The following PPP1R3F variants were observed in gnomAD, a reference collection of about 807,000 sequenced individuals.
PPP1R3F encodes protein phosphatase 1, regulatory (inhibitor) subunit 3F.
Under a neutral mutation model 24.2 loss-of-function variants are expected in PPP1R3F, and 29 were observed. The ratio of observed to expected loss-of-function variants is 1.20; its 90% CI spans 0.89 to 1.63. The LOEUF (loss-of-function observed/expected upper bound fraction) is 1.63. PPP1R3F is among the 40% of genes most tolerant of loss of function. PPP1R3F has a pLI of 0.00. For synonymous variants in PPP1R3F, 363 were observed against 340.1 expected, an observed-to-expected ratio of 1.07 and a Z score of -0.74; for missense variants, 823 against 729.3, an observed-to-expected ratio of 1.13 and a Z score of -1.48.
chrX:49,271,908 C>A (rs1300129693), intron 1 of PPP1R3F, among the ~76,000 whole-genome samples: 1 of 112,014 alleles, frequency 8.9e-6, no homozygotes, highest in Non-Finnish European at 1.9e-5. Flanking sequence ...CAGAAGATTT[C>A]CCTAGGTTTC....
rs1440104693 is a variant in PPP1R3F, at chrX:49,284,514, T to C, written c.1144-1320T>C. 4.6e-3 allele frequency among the ~76,000 whole-genome samples: 430 copies of C among 93,612 alleles called. 2 individuals are homozygous for C. Among genetic ancestry groups the C allele is most frequent in the African/African-American group, 0.014 (356 of 25,633 alleles). 81.3% of individuals were successfully genotyped at this position (93,612 alleles called of 115,157 possible). A position where few individuals can be genotyped will look rare whatever the true frequency, so the allele number is the denominator to read the frequency against. On this transcript the variant is annotated intron_variant, in intron 3 of 3. Transcript: ENST00000055335. ...TTTCTTTTTTCTTTTTCTTTCTTTT[T>C]TTTTTTTTTTTTTTTGAGTCAGAGT...
At chrX:49,281,270 C>T (rs1246136454) in intron 1 of PPP1R3F, 136 bp from the exon 2 acceptor site, 1 of 395,970 alleles carries the variant, frequency 2.5e-6, no homozygotes, top group Non-Finnish European at 4.3e-6. Context: ...AGGGGATAAA[C>T]AAAGGCAGCA....
rs782078980 is a variant in PPP1R3F, at chrX:49,281,438, T to G, written c.1037T>G (p.Met346Arg). Residue 346 changes from methionine (M) to arginine (R), a missense_variant, in exon 2 of 4, where the codon ATG becomes AGG. Transcript: ENST00000055335. The part of the protein sequence containing the change: ...PAEEELKTKN[M>R]DDNTFAMAEH... ...GAGGAGGAACTGAAGACGAAGAACA[T>G]GGATGATAACACCTTTGCCATGGGT... The G allele has an allele frequency of 8.3e-7, 1 of 1,208,744 alleles. No individual in the cohort carries two copies. Among genetic ancestry groups the G allele is most frequent in the Admixed American group, 2.2e-5 (1 of 45,983 alleles).
rs199728753 is a variant in PPP1R3F, at chrX:49,286,127, C to T, written c.1437C>T (p.Leu479=). Reference sequence around the variant, plus strand: ...CTGTGAGTGGGTCAGAGGAGCTGCTCGGTGAGGACACCATCGACCAGGAGC... The same window carrying T: ...CTGTGAGTGGGTCAGAGGAGCTGCTTGGTGAGGACACCATCGACCAGGAGC... ...LEAVSGSEEL[L]GEDTIDQELE... Residue 479 remains leucine (L), a synonymous_variant, in exon 4 of 4, where the codon CTC becomes CTT. Coordinates refer to ENST00000055335, the MANE Select transcript of PPP1R3F (RefSeq NM_033215.5). The T allele has an allele frequency of 1.5e-4, 175 of 1,162,075 alleles. 1 individual carries two copies. In the East Asian group the frequency reaches 3.1e-3, roughly 20 times the overall value.
intron 1 of PPP1R3F, among the ~76,000 whole-genome samples, chrX:49,278,071 T>C (rs189922594): frequency 8.9e-6 from 1 of 112,291 alleles, no homozygotes; most frequent in African/African-American, 3.2e-5. Context: ...GAAAGGGTGC[T>C]CTGGGGGCTG....
chrX:49,276,949 C>T (rs189068677), intron 1 of PPP1R3F, among the ~76,000 whole-genome samples: 15 of 112,584 alleles, frequency 1.3e-4, no homozygotes, highest in Non-Finnish European at 1.9e-4. Context: ...GCGTTATCTT[C>T]AGGTTGACTA....
chrX:49,272,606 G>A (rs1490384818), intron 1 of PPP1R3F, among the ~76,000 whole-genome samples: 2 of 112,950 alleles, frequency 1.8e-5, no homozygotes, highest in Admixed American at 1.9e-4. Flanking sequence ...GTGTGGCCTT[G>A]CCTCCGTTTC....
chrX:49,288,876 C>T (rs1367216871), downstream of PPP1R3F, among the ~76,000 whole-genome samples: 2 of 111,916 alleles, frequency 1.8e-5, no homozygotes, highest in Non-Finnish European at 1.9e-5. Flanking sequence ...TGCTGTGGCT[C>T]ACTCTTGTAA....
chrX:49,287,968 G>C lies in PPP1R3F; in HGVS notation c.*878G>C, dbSNP rs1478857126. ...GAAAGGAAAGAGGAGTTAATGTACT[G>C]CAGTACTTGGTAGCACAGTTGCTGT... is the stretch of plus-strand genomic sequence containing the variant. On this transcript the variant is annotated 3_prime_UTR_variant, in exon 4 of 4. Transcript: ENST00000055335. 8.9e-6 allele frequency: 1 copy of C among 112,261 alleles called. No individual in the cohort carries two copies. Among genetic ancestry groups the C allele is most frequent in the Non-Finnish European group, 1.9e-5 (1 of 53,274 alleles). 9.3% of individuals were successfully genotyped at this position (112,261 alleles called of 1,213,427 possible). A position where few individuals can be genotyped will look rare whatever the true frequency, so the allele number is the denominator to read the frequency against.
At chrX:49,301,266 A>T (rs1208904235) in intron 3 of PPP1R3F, 34 of 418,383 alleles carry the variant, frequency 8.1e-5, no homozygotes, top group Non-Finnish European at 8.3e-6. Flanking sequence ...TAAAACCCAA[A>T]CTGTAGTATG....
chrX:49,277,149 C>T (rs184860477), intron 1 of PPP1R3F, among the ~76,000 whole-genome samples: 5 of 112,889 alleles, frequency 4.4e-5, no homozygotes, highest in Admixed American at 2.8e-4. Flanking sequence ...AGCCCTCACC[C>T]GCTCGCTTAC....
In PPP1R3F at chrX:49,270,052, G is replaced by T. The variant is rs1347233224; in HGVS notation, c.183G>T (p.Gly61=). The T allele has an allele frequency of 2.0e-6, 2 of 981,945 alleles. No homozygotes were observed. Among genetic ancestry groups the T allele is most frequent in the Non-Finnish European group, 2.5e-6 (2 of 786,096 alleles). 80.9% of individuals were successfully genotyped at this position (981,945 alleles called of 1,213,427 possible). ...LRRYRPWGGP[G]AGKMAAAAGQ... The stretch of plus-strand genomic sequence containing the variant: ...GCTACCGGCCGTGGGGCGGGCCCGG[G>T]GCGGGCAAGATGGCGGCGGCGGCCG... Residue 61 remains glycine, a synonymous_variant, in exon 1 of 4, where the codon GGG becomes GGT. Coordinates refer to ENST00000055335, the MANE Select transcript of PPP1R3F (RefSeq NM_033215.5).
At chrX:49,292,487 C>T (rs2066311793), downstream of PPP1R3F, among the ~76,000 whole-genome samples, 1 of 112,693 alleles carries the variant, frequency 8.9e-6, no homozygotes, top group African/African-American at 3.2e-5. Context: ...AGGGCACCAG[C>T]CTGGATCCTG....
At chrX:49,293,995 A>AAC (rs2066316079) in intron 3 of PPP1R3F, among the ~76,000 whole-genome samples, 1 of 111,966 alleles carries the variant, frequency 8.9e-6, no homozygotes, top group East Asian at 2.8e-4. Context: ...CCCTGTCTCA[A>AAC]AACAACAACA....
chrX:49,270,002 G>C lies in PPP1R3F; in HGVS notation c.133G>C (p.Gly45Arg). ...GGTGCTGTTCGCCGACGAGGCCTTG[G>C]GGCTGCCGCTGGCGCAGTTGCGCCG... ...RRVLFADEALGLPLAQLRRYR... is the reference protein window; with the variant it reads ...RRVLFADEALRLPLAQLRRYR... Residue 45 changes from glycine (G) to arginine (R), a missense_variant, in exon 1 of 4, where the codon GGG becomes CGG. By Grantham distance (125) the Gly-to-Arg change is moderately radical (BLOSUM62 -2). Coordinates refer to ENST00000055335, the MANE Select transcript of PPP1R3F (RefSeq NM_033215.5). 1.1e-6 allele frequency: 1 copy of C among 924,347 alleles called. No homozygotes were observed. The highest frequency in any genetic ancestry group is 1.3e-6 in the Non-Finnish European group (1 of 748,103). The allele number at this position is 924,347 out of a possible 1,213,427, so 76.2% of individuals were successfully genotyped here.
chrX:49,284,489 TTTC>T (rs1227158658), intron 3 of PPP1R3F, among the ~76,000 whole-genome samples: 2 of 100,569 alleles, frequency 2.0e-5, no homozygotes, highest in Admixed American at 2.3e-4. Flanking sequence ...TCTCTCTTTC[TTTC>T]TTTTTTCTTT....
intron 3 of PPP1R3F, among the ~76,000 whole-genome samples, chrX:49,294,609 C>T (rs1161670943): frequency 1.8e-5 from 2 of 109,400 alleles, no homozygotes; most frequent in African/African-American, 6.6e-5. Flanking sequence ...TTTAGTTTTT[C>T]TCTATTAAGT....
At chrX:49,299,012 C>T (rs932238237) in intron 3 of PPP1R3F, among the ~76,000 whole-genome samples, 28 of 110,584 alleles carry the variant, frequency 2.5e-4, no homozygotes, top group Non-Finnish European at 2.8e-4. Context: ...TCTGACAGTT[C>T]GTCAAACTCA....
chrX:49,300,477 GTTTTTTTTTTTTTTT>G (rs35140303), intron 3 of PPP1R3F, among the ~76,000 whole-genome samples: 40,945 of 70,528 alleles, frequency 0.58, 8,768 homozygotes, highest in South Asian at 0.68. Context: ...TATTGCTGCT[GTTTTTTTTTTTTTTT>G]TTTTTTTTTT....
Sources: gnomAD v4.1 joint callset for allele counts (sites outside exome capture counted in the v4.1 genomes callset) on GRCh38, gnomAD v4.1.1 for gene constraint, MANE v1.5 for transcripts, NCBI Gene and HGNC (gene_info 2026-07-23, HGNC 2026-07-21) for gene names.